ENOX1: variants seen among roughly 807,000 people sequenced by gnomAD.
ENOX1 encodes the protein ecto-NOX disulfide-thiol exchanger 1, also known as candidate growth-related and time keeping constitutive hydroquinone (NADH) oxidase.
ENOX1 carries 42 observed loss-of-function variants against 82.5 expected under a neutral mutation model. The ratio of observed to expected loss-of-function variants is 0.51; its 90% CI spans 0.40 to 0.66. The LOEUF is 0.66. Ranked by LOEUF, ENOX1 falls within the 30% of genes least tolerant of loss-of-function variation. ENOX1 has a pLI of 0.00. For missense variants in ENOX1, 608 were observed against 811.6 expected (o/e 0.75, Z 3.05); for synonymous variants, 271 against 282.2 (o/e 0.96, Z 0.40).
chr13:43,447,663 T>C (rs1328322103), intron 3 of ENOX1, among the ~76,000 whole-genome samples: 1 of 152,030 alleles, frequency 6.6e-6, no homozygotes, highest in Non-Finnish European at 1.5e-5. Context: ...ATACATGAAA[T>C]GTACATGAGC....
chr13:43,411,868 A>G (rs2153598821), intron 5 of ENOX1, 48 bp downstream of exon 5: 1 of 1,607,300 alleles, frequency 6.2e-7, no homozygotes. Context: ...TGTCACCTAC[A>G]CCCTTCGGCA....
intron 2 of ENOX1, among the ~76,000 whole-genome samples, chr13:43,535,728 G>T (rs2078432066): frequency 6.6e-6 from 1 of 151,710 alleles, no homozygotes; most frequent in East Asian, 1.9e-4. Flanking sequence ...TAATTTAGAA[G>T]AACTAAGCAT....
Position 43,699,689 on chromosome 13 carries a change from C to A in ENOX1, c.-284-32145G>T, listed in dbSNP as rs113993258. Among the ~76,000 whole-genome samples the A allele has an allele frequency of 3.2e-3, 491 of 152,240 alleles. 4 individuals carry two copies. The highest frequency in any genetic ancestry group is 0.011 in the African/African-American group (441 of 41,550). On this transcript the variant is annotated intron_variant, in intron 1 of 16. Coordinates refer to ENST00000690772, the MANE Select transcript of ENOX1 (RefSeq NM_001347969.2). ...TTAGGGCTTGAAGTATATATTACTG[C>A]TAAAGAGTGAAAACTGGTTAATACT...
chr13:43,213,825 T>C lies in ENOX1; in HGVS notation c.*165A>G. ...TTATTTTAAGAAACTGGTACACAAT[T>C]ACATTTCCACTTACAAGAGAACGCC... On this transcript the variant is annotated 3_prime_UTR_variant, in exon 17 of 17. Transcript: ENST00000690772. The C allele has an allele frequency of 3.3e-6, 2 of 611,944 alleles. No individual in the cohort carries two copies. Among genetic ancestry groups the C allele is most frequent in the Non-Finnish European group, 5.3e-6 (2 of 378,754 alleles). The allele number at this position is 611,944 out of a possible 1,614,324, so 37.9% of individuals were successfully genotyped here.
At chr13:43,541,699 C>A (rs1174654869) in intron 2 of ENOX1, among the ~76,000 whole-genome samples, 2 of 152,126 alleles carry the variant, frequency 1.3e-5, no homozygotes, top group East Asian at 3.9e-4. Context: ...CCTTGCAAAA[C>A]ACAATTTGTT....
chr13:43,384,942 C>T (rs114502360), intron 5 of ENOX1, among the ~76,000 whole-genome samples: 1,727 of 152,140 alleles, frequency 0.011, 25 homozygotes, highest in African/African-American at 0.038. Context: ...CTGATTCAAA[C>T]AAGGCTGTTC....
intron 2 of ENOX1, among the ~76,000 whole-genome samples, chr13:43,633,140 T>C (rs1308072335): frequency 6.6e-6 from 1 of 152,210 alleles, no homozygotes; most frequent in African/African-American, 2.4e-5. Flanking sequence ...AATATAATGT[T>C]TATAGCAGTA....
At chr13:43,496,478 T>C (rs1364328949) in intron 2 of ENOX1, among the ~76,000 whole-genome samples, 1 of 151,864 alleles carries the variant, frequency 6.6e-6, no homozygotes, top group African/African-American at 2.4e-5. Flanking sequence ...CGAGTACCCC[T>C]GGGTTCAAGC....
rs35765969 is a variant in ENOX1 at position 43,470,307 on chromosome 13, C to CATATATATATACACGTATATATACAT, written c.-75+13701_-75+13702insATGTATATATACGTGTATATATATAT. ...ACATATATATATACACATATATATA[C>CATATATATATACACGTATATATACAT]ATATATATACACATATATATATGTA... is the stretch of plus-strand genomic sequence containing the variant. On this transcript the variant is annotated intron_variant, in intron 3 of 16. Coordinates refer to ENST00000690772, the MANE Select transcript of ENOX1 (RefSeq NM_001347969.2). 9.4e-5 allele frequency among the ~76,000 whole-genome samples: 4 copies of CATATATATATACACGTATATATACAT among 42,492 alleles called. 1 individual carries two copies. Among genetic ancestry groups the CATATATATATACACGTATATATACAT allele is most frequent in the African/African-American group, 2.7e-4 (4 of 14,584 alleles). 27.9% of individuals were successfully genotyped at this position (42,492 alleles called of 152,430 possible).
intron 12 of ENOX1, among the ~76,000 whole-genome samples, chr13:43,294,827 T>C (rs60902718): frequency 0.011 from 1,701 of 152,300 alleles, 34 homozygotes; most frequent in African/African-American, 0.039. Context: ...TACAGCATCA[T>C]GGATCAGTCT....
intron 1 of ENOX1, among the ~76,000 whole-genome samples, chr13:43,705,088 T>A (rs2087165793): frequency 6.6e-6 from 1 of 151,720 alleles, no homozygotes. Context: ...AACATAATAC[T>A]AAAATTATTT....
chr13:43,255,158 G>A (rs1419503886), intron 14 of ENOX1, among the ~76,000 whole-genome samples: 1 of 152,082 alleles, frequency 6.6e-6, no homozygotes, highest in African/African-American at 2.4e-5. Flanking sequence ...AAATAATAAA[G>A]TGGTACATCA....
rs201889645 is a variant in ENOX1, at chr13:43,361,451, G to A, written c.210C>T (p.Asp70=). 73 of 1,607,312 alleles carry A rather than the reference G, an allele frequency of 4.5e-5. No homozygotes were observed. In the African/African-American group the frequency reaches 6.3e-4, roughly 14 times the overall value. Residue 70 remains aspartate (D), a splice_region_variant and synonymous_variant, in exon 6 of 17, where the codon GAC becomes GAT. Coordinates refer to ENST00000690772, the MANE Select transcript of ENOX1 (RefSeq NM_001347969.2). ...GATCAAAGCCTGGGACACAGATTGA[G>A]TCTGTAAAGTATACAAGATAACATT... ...VGLPGQQLVS[D]SICVPGFDPS...
rs369985291 is a variant in ENOX1, at chr13:43,269,507, G to C, written c.1517C>G (p.Ser506Cys). The change falls in exon 13 of 17, where the codon TCC becomes TGC. Residue 506 changes from serine to cysteine, a missense_variant. Physicochemically the swap from Ser to Cys is moderately radical, Grantham distance 112. Coordinates refer to ENST00000690772, the MANE Select transcript of ENOX1 (RefSeq NM_001347969.2). ...SELEQAKEEQ[S>C]HTQALLKVLQ... ...GACTTTTAGTAACGCTTGTGTATGGGACTGCTCTTCCTTTGCTTGTTCCAA... is the reference window on the plus strand; with the variant it reads ...GACTTTTAGTAACGCTTGTGTATGGCACTGCTCTTCCTTTGCTTGTTCCAA... The C allele has an allele frequency of 4.3e-6, 7 of 1,613,828 alleles. No individual in the cohort carries two copies. The highest frequency in any genetic ancestry group is 3.4e-6 in the Non-Finnish European group (4 of 1,179,866).
At chr13:43,486,718 C>T (rs905380278) in intron 2 of ENOX1, among the ~76,000 whole-genome samples, 3 of 152,188 alleles carry the variant, frequency 2.0e-5, no homozygotes, top group African/African-American at 7.2e-5. Flanking sequence ...TGCTTCATTA[C>T]TTCCTGGCTG....
intron 2 of ENOX1, among the ~76,000 whole-genome samples, chr13:43,643,530 T>C (rs571590784): frequency 6.6e-6 from 1 of 152,224 alleles, no homozygotes; most frequent in South Asian, 2.1e-4. Context: ...TAGCAAGAAG[T>C]AAATATTTAA....
intron 5 of ENOX1, among the ~76,000 whole-genome samples, chr13:43,363,228 A>G (rs1456579705): frequency 6.6e-6 from 1 of 152,220 alleles, no homozygotes; most frequent in African/African-American, 2.4e-5. Flanking sequence ...TTTACAGAAA[A>G]GAAAGTAAGG....
At chr13:43,754,853 T>C (rs1266121274) in intron 1 of ENOX1, among the ~76,000 whole-genome samples, 2 of 152,200 alleles carry the variant, frequency 1.3e-5, no homozygotes, top group East Asian at 3.8e-4. Flanking sequence ...ATTCCATTCA[T>C]ATTTTGAGTG....
In ENOX1 at chr13:43,426,389, T is replaced by C. The variant is rs374614844; in HGVS notation, c.-74-13401A>G. Among the ~76,000 whole-genome samples the C allele has an allele frequency of 9.8e-5, 15 of 152,330 alleles. No individual in the cohort carries two copies. The East Asian group carries it at 1.7e-3, about 18-fold the overall frequency. On this transcript the variant is annotated intron_variant, in intron 3 of 16. Transcript: ENST00000690772. Reference sequence around the variant, plus strand: ...AATGTTCTTTGTGGGAACTGCAATATATTGCTATTGCTACGATGGTTTACT... The same window carrying C: ...AATGTTCTTTGTGGGAACTGCAATACATTGCTATTGCTACGATGGTTTACT...
Sources: gnomAD v4.1 joint callset for allele counts (sites outside exome capture counted in the v4.1 genomes callset) on GRCh38, gnomAD v4.1.1 for gene constraint, MANE v1.5 for transcripts, NCBI Gene and HGNC (gene_info 2026-07-23, HGNC 2026-07-21) for gene names.